The following NCAM1 variants were observed in gnomAD, a reference collection of about 807,000 sequenced individuals.
NCAM1 encodes the protein antigen recognized by monoclonal antibody 5.1H11.
In NCAM1, 14 loss-of-function variants were observed where a neutral mutation model predicts 109.8. The observed-to-expected ratio is 0.13, with a 90% CI of 0.08 to 0.20. The LOEUF (loss-of-function observed/expected upper bound fraction) is 0.20, where lower values mean the gene tolerates loss of function less well. NCAM1 is among the 10% of genes least tolerant of loss of function. NCAM1 has a pLI of 1.00. For missense variants in NCAM1, 774 were observed against 1,109.9 expected, an observed-to-expected ratio of 0.70 and a Z score of 4.30; for synonymous variants, 418 against 442.9, an observed-to-expected ratio of 0.94 and a Z score of 0.70.
rs1447110065 is a variant in NCAM1 at position 112,968,799 on chromosome 11, A to G, written c.52+7135A>G. Among the ~76,000 whole-genome samples, 6 of 152,320 alleles carry G rather than the reference A, an allele frequency of 3.9e-5. No homozygotes were observed. The East Asian group carries it at 1.2e-3, about 29-fold the overall frequency. ...AACAACTGTGAAATAGGAAGAACAG[A>G]TGGTATTCTCATTTTAGGGCATGGT... is the stretch of plus-strand genomic sequence containing the variant. On this transcript the variant is annotated intron_variant, in intron 1 of 19. Transcript: ENST00000316851.
Position 113,195,023 on chromosome 11 carries a change from C to T in NCAM1, c.53-7356C>T, listed in dbSNP as rs138018383. 1.1e-4 allele frequency among the ~76,000 whole-genome samples: 16 copies of T among 152,292 alleles called. 1 individual carries two copies. In the East Asian group the frequency reaches 2.7e-3, roughly 26 times the overall value. On this transcript the variant is annotated intron_variant, in intron 1 of 19. Transcript: ENST00000316851. ...GGTGATTTCAGTTGCTGTTGTGAGC[C>T]AGCTTTAAGCCATGAGGATACTTCC...
At chr11:113,119,770 G>A (rs1940875219) in intron 1 of NCAM1, among the ~76,000 whole-genome samples, 1 of 151,940 alleles carries the variant, frequency 6.6e-6, no homozygotes, top group African/African-American at 2.4e-5. Context: ...TCCTCTCTGT[G>A]CCTACACGTT....
chr11:112,998,387 C>T (rs1189766605), intron 1 of NCAM1, among the ~76,000 whole-genome samples: 2 of 152,014 alleles, frequency 1.3e-5, no homozygotes, highest in African/African-American at 4.8e-5. Flanking sequence ...GATGGGGATT[C>T]CTGCTTAGTT....
intron 1 of NCAM1, among the ~76,000 whole-genome samples, chr11:113,006,291 T>C (rs1555073319): frequency 6.6e-6 from 1 of 152,194 alleles, no homozygotes; most frequent in African/African-American, 2.4e-5. Flanking sequence ...TGCTATTCAC[T>C]AGGGATTCAT....
intron 7 of NCAM1, 132 bp downstream of exon 7, chr11:113,208,134 C>A (rs1160376517): frequency 4.7e-6 from 5 of 1,068,344 alleles, no homozygotes; most frequent in South Asian, 1.6e-5. Flanking sequence ...GCCAGTTCCA[C>A]CACCTAGTCC....
At chr11:113,152,779 C>A (rs139879512) in intron 1 of NCAM1, among the ~76,000 whole-genome samples, 25 of 152,290 alleles carry the variant, frequency 1.6e-4, no homozygotes, top group African/African-American at 5.8e-4. Flanking sequence ...CAAGCAAGTA[C>A]ACAAATATTT....
At chr11:113,244,927 G>A (rs1565526160) in intron 14 of NCAM1, among the ~76,000 whole-genome samples, 1 of 152,086 alleles carries the variant, frequency 6.6e-6, no homozygotes, top group Non-Finnish European at 1.5e-5. Flanking sequence ...ACACAGAAAG[G>A]TGTCTTCATC....
intron 1 of NCAM1, among the ~76,000 whole-genome samples, chr11:113,108,565 G>A (rs1158847756): frequency 6.6e-6 from 1 of 152,040 alleles, no homozygotes; most frequent in Admixed American, 6.5e-5. Flanking sequence ...GAAGACTAGG[G>A]TATTGGTGTC....
intron 1 of NCAM1, among the ~76,000 whole-genome samples, chr11:113,181,782 G>A (rs1943342469): frequency 6.6e-6 from 1 of 152,114 alleles, no homozygotes; most frequent in African/African-American, 2.4e-5. Context: ...AAGCAACCAG[G>A]GGTCCTGGTC....
At chr11:113,061,329 C>G (rs1555083415) in intron 1 of NCAM1, among the ~76,000 whole-genome samples, 1 of 152,056 alleles carries the variant, frequency 6.6e-6, no homozygotes, top group Admixed American at 6.6e-5. Context: ...AACATATGTA[C>G]TTAACTGGAG....
In NCAM1 at chr11:112,961,805, C is replaced by G. The variant is rs548543635; in HGVS notation, c.52+141C>G. On this transcript the variant is annotated intron_variant, in intron 1 of 19. Transcript: ENST00000316851. ...TTTTCGTTTAGCTGTGAAAGGAGCG[C>G]GTCGCCCTTGCTGCCCAGCCGAACC... The G allele has an allele frequency of 4.6e-6, 3 of 657,426 alleles. No individual in the cohort carries two copies. In the South Asian group the frequency reaches 5.9e-5, roughly 13 times the overall value. The allele number at this position is 657,426 out of a possible 1,614,324, so 40.7% of individuals were successfully genotyped here.
In NCAM1 at chr11:113,274,779, G is replaced by C. The variant is rs944158325; in HGVS notation, c.2457-488G>C. 1.3e-5 allele frequency among the ~76,000 whole-genome samples: 2 copies of C among 152,206 alleles called. No homozygotes were observed. Among genetic ancestry groups the C allele is most frequent in the Non-Finnish European group, 2.9e-5 (2 of 68,030 alleles). ...ACAGCACAGGGTGGGGTGGGGAAGG[G>C]ACAGGCAAGAGTGGGTTGCAAAGGG... is the stretch of plus-strand genomic sequence containing the variant. On this transcript the variant is annotated intron_variant, in intron 19 of 19. Coordinates refer to ENST00000316851, the MANE Select transcript of NCAM1 (RefSeq NM_181351.5). The surrounding 1 kb of genome is among the most constrained non-coding windows in gnomAD (Gnocchi z 4.1).
At chr11:113,253,537 G>A (rs1176735016) in intron 15 of NCAM1, among the ~76,000 whole-genome samples, 1 of 152,126 alleles carries the variant, frequency 6.6e-6, no homozygotes, top group Non-Finnish European at 1.5e-5. Context: ...AAACTTGATC[G>A]AGGCAACAGA....
intron 16 of NCAM1, 126 bp downstream of exon 16, chr11:113,256,127 G>A: frequency 8.0e-7 from 1 of 1,250,806 alleles, no homozygotes; most frequent in South Asian, 1.6e-5. Context: ...TCTGGCAGGT[G>A]GCCCATGGGC....
chr11:113,265,164 T>A (rs1341866991), intron 17 of NCAM1: 106 of 985,152 alleles, frequency 1.1e-4, no homozygotes, highest in Non-Finnish European at 1.2e-4. Context: ...GTTTACACCT[T>A]TGCATTATTA....
At chr11:113,215,228 G>A (rs1280700308) in intron 8 of NCAM1, among the ~76,000 whole-genome samples, 3 of 152,122 alleles carry the variant, frequency 2.0e-5, no homozygotes, top group African/African-American at 7.2e-5. Context: ...TAAAAACTGA[G>A]GTGACCCCAC....
intron 1 of NCAM1, among the ~76,000 whole-genome samples, chr11:113,073,116 T>C (rs187226364): frequency 3.2e-4 from 49 of 152,374 alleles, no homozygotes; most frequent in Admixed American, 6.5e-4. Flanking sequence ...ATTTGTCCTT[T>C]TGTGACTGAT....
chr11:113,133,298 G>A (rs1941475201), intron 1 of NCAM1: 1 of 152,180 alleles, frequency 6.6e-6, no homozygotes, highest in Non-Finnish European at 1.5e-5. Context: ...TGTGATAGAT[G>A]TTATTAGGAG....
intron 1 of NCAM1, among the ~76,000 whole-genome samples, chr11:113,166,692 C>G (rs138655061): frequency 1.3e-5 from 2 of 152,190 alleles, no homozygotes; most frequent in African/African-American, 4.8e-5. Context: ...ATCCTCAGTT[C>G]ACGACAGGTA....
Sources: allele counts gnomAD v4.1 joint callset (sites outside exome capture counted in the v4.1 genomes callset), GRCh38; gene constraint gnomAD v4.1.1; non-coding constraint Gnocchi (gnomAD v3.1); transcripts MANE v1.5; gene names NCBI Gene and HGNC (gene_info 2026-07-23, HGNC 2026-07-21).